The following TSNARE1 variants were observed in gnomAD, a reference collection of about 807,000 sequenced individuals.
TSNARE1 encodes the protein t-SNARE domain containing 1.
TSNARE1 carries 49 observed loss-of-function variants against 62.0 expected under a neutral mutation model. The ratio of observed to expected loss-of-function variants is 0.79; its 90% CI spans 0.63 to 1.00. The LOEUF is 1.00. Among genes scored for constraint, TSNARE1 ranks in the 50% least tolerant of loss-of-function variants. The pLI is 0.00. For synonymous variants in TSNARE1, 328 were observed against 294.4 expected, an observed-to-expected ratio of 1.11 and a Z score of -1.17; for missense variants, 755 against 700.1, an observed-to-expected ratio of 1.08 and a Z score of -0.88.
intron 1 of TSNARE1, among the ~76,000 whole-genome samples, chr8:142,389,242 A>G (rs752524538): frequency 2.6e-5 from 4 of 152,230 alleles, no homozygotes; most frequent in Non-Finnish European, 4.4e-5. Context: ...ATATACAAGA[A>G]TCAACTCAAA....
At chr8:142,328,265 C>T (rs1347461637) in intron 6 of TSNARE1, among the ~76,000 whole-genome samples, 1 of 152,000 alleles carries the variant, frequency 6.6e-6, no homozygotes, top group Admixed American at 6.5e-5. Context: ...GGAGTAAGTA[C>T]ATCCTATGTC....
At chr8:142,315,805 C>T (rs1586753003) in intron 7 of TSNARE1, among the ~76,000 whole-genome samples, 1 of 152,354 alleles carries the variant, frequency 6.6e-6, no homozygotes, top group East Asian at 1.9e-4. Flanking sequence ...CTAAGGCGGG[C>T]TGGTCTGGGG....
At chr8:142,395,777 G>A (rs932073329) in intron 1 of TSNARE1, among the ~76,000 whole-genome samples, 2 of 152,212 alleles carry the variant, frequency 1.3e-5, no homozygotes, top group African/African-American at 4.8e-5. Context: ...CGGGAAGGAG[G>A]TCAGACTCCC....
At chr8:142,382,400 C>T (rs1836833714) in intron 1 of TSNARE1, among the ~76,000 whole-genome samples, 1 of 152,198 alleles carries the variant, frequency 6.6e-6, no homozygotes, top group Non-Finnish European at 1.5e-5. Flanking sequence ...CATCATTCCC[C>T]GGGAGGCCGG....
At chr8:142,245,340 G>A (rs540994970) in intron 12 of TSNARE1, among the ~76,000 whole-genome samples, 1 of 152,096 alleles carries the variant, frequency 6.6e-6, no homozygotes, top group South Asian at 2.1e-4. Flanking sequence ...CTGGAGACAT[G>A]CTCGTCAGAG....
chr8:142,372,132 G>A (rs946570470), intron 1 of TSNARE1, among the ~76,000 whole-genome samples: 2 of 152,202 alleles, frequency 1.3e-5, no homozygotes, highest in African/African-American at 4.8e-5. Flanking sequence ...CCACCTCACT[G>A]AAAACACAGT....
intron 12 of TSNARE1, chr8:142,269,797 A>G: frequency 1.0e-6 from 1 of 985,404 alleles, no homozygotes; most frequent in Non-Finnish European, 1.2e-6. Context: ...CACCATGCGC[A>G]CCCATAGAAG....
intron 12 of TSNARE1, chr8:142,247,964 T>C (rs1817973896): frequency 6.6e-6 from 1 of 152,258 alleles, no homozygotes; most frequent in African/African-American, 2.4e-5. Flanking sequence ...CTTTTGCATG[T>C]GGGAAGGACA....
chr8:142,325,572 G>A (rs1403416630), intron 6 of TSNARE1, among the ~76,000 whole-genome samples: 5 of 152,170 alleles, frequency 3.3e-5, no homozygotes, highest in African/African-American at 1.2e-4. Flanking sequence ...GTGAGGGCAG[G>A]GTGGCGTGGG....
chr8:142,373,412 G>A (rs1836050063), intron 1 of TSNARE1, among the ~76,000 whole-genome samples: 2 of 152,186 alleles, frequency 1.3e-5, no homozygotes, highest in Admixed American at 1.3e-4. Flanking sequence ...GGGAAGGCCA[G>A]CAGCGGGATG....
chr8:142,272,100 G>A (rs1819628919), intron 12 of TSNARE1, among the ~76,000 whole-genome samples: 1 of 151,902 alleles, frequency 6.6e-6, no homozygotes, highest in Non-Finnish European at 1.5e-5. Flanking sequence ...CTGTCCACCT[G>A]TCTGTTCATC....
chr8:142,393,959 C>T (rs1476093386), intron 1 of TSNARE1, among the ~76,000 whole-genome samples: 1 of 152,244 alleles, frequency 6.6e-6, no homozygotes, highest in African/African-American at 2.4e-5. Context: ...CCAATGAACA[C>T]ACACCTTTGT....
At chr8:142,326,123 G>A (rs1330927343) in intron 6 of TSNARE1, 17 of 181,012 alleles carry the variant, frequency 9.4e-5, no homozygotes, top group Non-Finnish European at 1.3e-4. Context: ...GAGGGCCCCG[G>A]AGACCACGAG....
At chr8:142,330,394 A>G (rs1197517301) in intron 6 of TSNARE1, among the ~76,000 whole-genome samples, 4 of 152,158 alleles carry the variant, frequency 2.6e-5, no homozygotes, top group Non-Finnish European at 1.5e-5. Context: ...GGCACCCCTC[A>G]AGGAAAGTCC....
chr8:142,289,403 T>A (rs1398945247), intron 10 of TSNARE1, among the ~76,000 whole-genome samples: 1 of 152,088 alleles, frequency 6.6e-6, no homozygotes, highest in African/African-American at 2.4e-5. Context: ...CTGGGGCCCC[T>A]CCCTGCTCCC....
At chr8:142,324,914 T>C (rs1432530774) in intron 6 of TSNARE1, among the ~76,000 whole-genome samples, 7 of 152,236 alleles carry the variant, frequency 4.6e-5, no homozygotes, top group Non-Finnish European at 1.0e-4. Context: ...CTGAGGGGGC[T>C]GTGGGAAGAG....
chr8:142,244,544 A>G lies in TSNARE1; in HGVS notation c.1447-14965T>C, dbSNP rs114727429. 5.4e-3 allele frequency among the ~76,000 whole-genome samples: 825 copies of G among 152,368 alleles called. 5 individuals carry two copies. The highest frequency in any genetic ancestry group is 0.019 in the African/African-American group (793 of 41,590). ...CCATCGTGAGGATAAGACTGACCAC[A>G]TTGATCCACAGATTCCATGCAATGC... On this transcript the variant is annotated intron_variant, in intron 12 of 13. Coordinates refer to ENST00000524325, the MANE Select transcript of TSNARE1 (RefSeq NM_145003.5).
intron 1 of TSNARE1, among the ~76,000 whole-genome samples, chr8:142,393,942 T>C (rs772836272): frequency 1.3e-5 from 2 of 152,158 alleles, no homozygotes; most frequent in Non-Finnish European, 2.9e-5. Flanking sequence ...CAATGAACTG[T>C]GAATCCCCAA....
intron 10 of TSNARE1, chr8:142,300,086 C>T (rs1825462449): frequency 6.2e-6 from 1 of 161,914 alleles, no homozygotes; most frequent in South Asian, 2.0e-4. Context: ...ATTTATTCAA[C>T]CTTTCAAAAA....
Sources: allele counts gnomAD v4.1 joint callset (sites outside exome capture counted in the v4.1 genomes callset), GRCh38; gene constraint gnomAD v4.1.1; transcripts MANE v1.5; gene names NCBI Gene and HGNC (gene_info 2026-07-23, HGNC 2026-07-21).